The following AUTS2 variants were observed in gnomAD, a reference collection of about 807,000 sequenced individuals.
AUTS2 encodes autism susceptibility gene 2 protein.
A neutral mutation model predicts 112.4 loss-of-function variants in AUTS2; 17 were observed. The ratio of observed to expected loss-of-function variants is 0.15; its 90% CI spans 0.10 to 0.23. AUTS2 has a LOEUF of 0.23. Ranked by LOEUF, AUTS2 falls within the 10% of genes least tolerant of loss-of-function variation. The pLI, the probability that AUTS2 is intolerant of heterozygous loss-of-function variation, is 1.00. For synonymous variants in AUTS2, 751 were observed against 702.7 expected (o/e 1.07, Z -1.09); for missense variants, 1,510 against 1,701.6 (o/e 0.89, Z 1.98).
chr7:69,928,571 G>A (rs1215390103), intron 2 of AUTS2, among the ~76,000 whole-genome samples: 3 of 152,198 alleles, frequency 2.0e-5, no homozygotes, highest in Non-Finnish European at 4.4e-5. Flanking sequence ...TGGTATACCA[G>A]CATGACCCTG....
At position 70,791,249 on chromosome 7, in the gene AUTS2, G is replaced by T; in HGVS notation, c.*253G>T. On this transcript the variant is annotated 3_prime_UTR_variant, in exon 19 of 19. Transcript: ENST00000342771. Reference sequence around the variant, plus strand: ...TTTTGTTTCTCGTATAAAACTTTTTGATTTGAACCAAAACAGTGAAGATGA... The same window carrying T: ...TTTTGTTTCTCGTATAAAACTTTTTTATTTGAACCAAAACAGTGAAGATGA... 3 of 235,508 alleles carry T rather than the reference G, an allele frequency of 1.3e-5. No individual in the cohort carries two copies. The highest frequency in any genetic ancestry group is 7.8e-5 in the East Asian group (1 of 12,896). The allele number at this position is 235,508 out of a possible 1,614,324, so 14.6% of individuals were successfully genotyped here. A position where few individuals can be genotyped will look rare whatever the true frequency, so the allele number is the denominator to read the frequency against.
rs535445255 is a variant in AUTS2, at chr7:69,891,154, A to G, written c.310-8132A>G. Among the ~76,000 whole-genome samples, 9 of 152,318 alleles carry G rather than the reference A, an allele frequency of 5.9e-5. No individual in the cohort carries two copies. The South Asian group carries it at 1.9e-3, about 32-fold the overall frequency. Reference sequence around the variant, plus strand: ...ATAATCCCTTCTTCCTATCTCTCCCAGGAAGCCACTAGCCTGCTTGCTGTT... The same window carrying G: ...ATAATCCCTTCTTCCTATCTCTCCCGGGAAGCCACTAGCCTGCTTGCTGTT... On this transcript the variant is annotated intron_variant, in intron 1 of 18. Coordinates refer to ENST00000342771, the MANE Select transcript of AUTS2 (RefSeq NM_015570.4).
intron 4 of AUTS2, among the ~76,000 whole-genome samples, chr7:70,333,204 A>G (rs1790837917): frequency 6.6e-6 from 1 of 152,244 alleles, no homozygotes; most frequent in Non-Finnish European, 1.5e-5. Context: ...GAAACATGAA[A>G]AAAACTCATC....
At chr7:69,623,994 T>C (rs2129094631) in intron 1 of AUTS2, among the ~76,000 whole-genome samples, 1 of 152,284 alleles carries the variant, frequency 6.6e-6, no homozygotes, top group South Asian at 2.1e-4. Context: ...AAAAAAGCAT[T>C]GTCTTTTGGT....
At chr7:69,602,623 A>G (rs1232782983) in intron 1 of AUTS2, among the ~76,000 whole-genome samples, 1 of 152,162 alleles carries the variant, frequency 6.6e-6, no homozygotes, top group Non-Finnish European at 1.5e-5. Flanking sequence ...AATGACTCCA[A>G]AAATCCTCAG....
At chr7:69,679,749 ATAAT>A (rs1172155877) in intron 1 of AUTS2, among the ~76,000 whole-genome samples, 4 of 152,230 alleles carry the variant, frequency 2.6e-5, no homozygotes, top group Non-Finnish European at 5.9e-5. Context: ...CATGTCAGTA[ATAAT>A]TTATTTTGGG....
At chr7:70,458,488 C>T (rs117410657) in intron 5 of AUTS2, among the ~76,000 whole-genome samples, 2 of 152,174 alleles carry the variant, frequency 1.3e-5, no homozygotes, top group African/African-American at 2.4e-5. Flanking sequence ...AAAGCTGACT[C>T]TCTTGTCTAT....
rs374096884 is a variant in AUTS2, at chr7:70,792,487, C to CA, written c.*1511dup. On this transcript the variant is annotated 3_prime_UTR_variant, in exon 19 of 19. Transcript: ENST00000342771. ...ATCTGACGTTGTTATCCTGTTTTTG[C>CA]AAAAAAAAAAAAAAAAAAAAGTTAA... The CA allele has an allele frequency of 0.11, 8,300 of 78,124 alleles. 257 individuals carry two copies. Among genetic ancestry groups the CA allele is most frequent in the Admixed American group, 0.13 (1,021 of 7,758 alleles). The allele number at this position is 78,124 out of a possible 1,614,324, so 4.8% of individuals were successfully genotyped here.
intron 1 of AUTS2, among the ~76,000 whole-genome samples, chr7:69,802,554 T>G (rs1790131498): frequency 6.6e-6 from 1 of 152,168 alleles, no homozygotes; most frequent in East Asian, 1.9e-4. Context: ...AATGTTATCT[T>G]CTGTAATTGC....
At chr7:69,704,693 A>G (rs1042697767) in intron 1 of AUTS2, among the ~76,000 whole-genome samples, 1 of 152,156 alleles carries the variant, frequency 6.6e-6, no homozygotes, top group Non-Finnish European at 1.5e-5. Flanking sequence ...AGTAGGGACA[A>G]TTCAGGTGCC....
chr7:69,632,913 G>A lies in AUTS2; in HGVS notation c.309+32951G>A, dbSNP rs143935742. Among the ~76,000 whole-genome samples the A allele has an allele frequency of 8.0e-3, 1,216 of 152,192 alleles. 18 individuals carry two copies. The highest frequency in any genetic ancestry group is 0.028 in the African/African-American group (1,145 of 41,514). On this transcript the variant is annotated intron_variant, in intron 1 of 18. Transcript: ENST00000342771. ...TATATAAGATTATAGGATGCATAGA[G>A]ATAGTAAAAAGGTTACTATATATAG...
chr7:70,503,946 C>T (rs572555431), intron 5 of AUTS2, among the ~76,000 whole-genome samples: 27 of 151,814 alleles, frequency 1.8e-4, no homozygotes, highest in African/African-American at 5.5e-4. Context: ...ATCTCCCCTC[C>T]GCTCAAGATT....
intron 5 of AUTS2, among the ~76,000 whole-genome samples, chr7:70,553,296 A>G (rs1801090848): frequency 6.6e-6 from 1 of 152,156 alleles, no homozygotes. Context: ...TTCTCATTTT[A>G]TTGCATTCAT....
chr7:70,171,914 G>GT (rs1345202580), intron 4 of AUTS2, among the ~76,000 whole-genome samples: 114 of 150,888 alleles, frequency 7.6e-4, no homozygotes, highest in African/African-American at 2.2e-3. Context: ...TTGGGGGGGG[G>GT]TAGTTTTTCC....
chr7:70,626,422 A>G (rs1177942004), intron 5 of AUTS2, among the ~76,000 whole-genome samples: 1 of 150,608 alleles, frequency 6.6e-6, no homozygotes, highest in Non-Finnish European at 1.5e-5. Context: ...AAGTACTGGT[A>G]GGACTGGATC....
Position 69,750,478 on chromosome 7 carries a change from G to GTA in AUTS2, c.310-148807_310-148806dup, listed in dbSNP as rs907056663. 1.6e-4 allele frequency among the ~76,000 whole-genome samples: 23 copies of GTA among 147,474 alleles called. 1 individual carries two copies. In the South Asian group the frequency reaches 3.6e-3, roughly 23 times the overall value. On this transcript the variant is annotated intron_variant, in intron 1 of 18. Coordinates refer to ENST00000342771, the MANE Select transcript of AUTS2 (RefSeq NM_015570.4). Reference sequence around the variant, plus strand: ...GTATATAACAAATACTATGTTAGTAGTAGTAGTAGTAGTAGTAGTAGTAGC... The same window carrying GTA: ...GTATATAACAAATACTATGTTAGTAGTATAGTAGTAGTAGTAGTAGTAGTAGC...
intron 5 of AUTS2, among the ~76,000 whole-genome samples, chr7:70,591,492 G>A (rs1277955562): frequency 2.0e-5 from 3 of 152,164 alleles, no homozygotes; most frequent in African/African-American, 7.2e-5. Context: ...TCCACCTCCA[G>A]GTTCAAGCGG....
chr7:70,532,008 T>C (rs1800115813), intron 5 of AUTS2, among the ~76,000 whole-genome samples: 1 of 152,202 alleles, frequency 6.6e-6, no homozygotes, highest in Admixed American at 6.5e-5. Flanking sequence ...GACTTACGTC[T>C]GGTGAATAAC....
At chr7:70,297,463 C>T (rs1302920009) in intron 4 of AUTS2, among the ~76,000 whole-genome samples, 2 of 149,904 alleles carry the variant, frequency 1.3e-5, no homozygotes, top group African/African-American at 2.5e-5. Context: ...CAGAGTCTCG[C>T]TCTGTCACCC....
Sources: gnomAD v4.1 joint callset for allele counts (sites outside exome capture counted in the v4.1 genomes callset) on GRCh38, gnomAD v4.1.1 for gene constraint, MANE v1.5 for transcripts, NCBI Gene and HGNC (gene_info 2026-07-23, HGNC 2026-07-21) for gene names.